The following DLC1 variants were observed in gnomAD, a reference collection of about 807,000 sequenced individuals.
DLC1 encodes rho GTPase-activating protein 7.
In DLC1, 54 loss-of-function variants were observed where a neutral mutation model predicts 140.3. The ratio of observed to expected loss-of-function variants is 0.38; its 90% CI spans 0.31 to 0.48. DLC1 has a LOEUF of 0.48. DLC1 is among the 20% of genes least tolerant of loss of function. The pLI, the probability that DLC1 is intolerant of heterozygous loss-of-function variation, is 0.96. For missense variants in DLC1, 2,536 were observed against 1,907.0 expected, an observed-to-expected ratio of 1.33 and a Z score of -6.14; for synonymous variants, 986 against 728.1, an observed-to-expected ratio of 1.35 and a Z score of -5.70.
intron 2 of DLC1, among the ~76,000 whole-genome samples, chr8:13,448,839 C>G (rs552212426): frequency 1.2e-5 from 1 of 85,976 alleles, no homozygotes; most frequent in Non-Finnish European, 3.5e-5. Context: ...GTGTTATACA[C>G]TAGCAGATTT....
intron 4 of DLC1, among the ~76,000 whole-genome samples, chr8:13,325,589 T>A (rs998843059): frequency 6.6e-6 from 1 of 152,110 alleles, no homozygotes; most frequent in African/African-American, 2.4e-5. Context: ...AAGCATGCTG[T>A]CCAAGAACAA....
At chr8:13,506,654 T>C (rs1802100636) in intron 1 of DLC1, among the ~76,000 whole-genome samples, 1 of 150,664 alleles carries the variant, frequency 6.6e-6, no homozygotes, top group African/African-American at 2.5e-5. Context: ...CAAATATATA[T>C]GTGTGCATAT....
intron 2 of DLC1, among the ~76,000 whole-genome samples, chr8:13,453,346 G>T (rs1268531124): frequency 7.5e-6 from 1 of 132,922 alleles, no homozygotes; most frequent in African/African-American, 2.8e-5. Flanking sequence ...TTAAAATAGA[G>T]AAATTCATTA....
At chr8:13,183,545 A>C (rs1190050350) in intron 5 of DLC1, among the ~76,000 whole-genome samples, 2 of 152,084 alleles carry the variant, frequency 1.3e-5, no homozygotes, top group Non-Finnish European at 2.9e-5. Context: ...AATTTTGTTG[A>C]AGGCCTTTTC....
intron 1 of DLC1, among the ~76,000 whole-genome samples, chr8:13,598,091 GAGA>G (rs57837965): frequency 0.068 from 10,351 of 152,156 alleles, 408 homozygotes; most frequent in East Asian, 0.16. Context: ...TCATCCAGCA[GAGA>G]AGTTTATTTT....
chr8:13,303,990 T>A (rs1170618610), intron 5 of DLC1, among the ~76,000 whole-genome samples: 2 of 151,928 alleles, frequency 1.3e-5, no homozygotes, highest in Non-Finnish European at 2.9e-5. Context: ...ACAACTCACA[T>A]CCTCATTTTC....
At chr8:13,122,317 A>C (rs1316481936) in intron 5 of DLC1, among the ~76,000 whole-genome samples, 13 of 152,118 alleles carry the variant, frequency 8.5e-5, no homozygotes, top group Admixed American at 8.5e-4. Context: ...AGGCTTTCCA[A>C]ACTCCTTGGA....
At chr8:13,309,593 C>T (rs1832588334) in intron 4 of DLC1, among the ~76,000 whole-genome samples, 1 of 152,132 alleles carries the variant, frequency 6.6e-6, no homozygotes, top group South Asian at 2.1e-4. Flanking sequence ...TGTGTGCATG[C>T]CTGTTTGTGT....
At chr8:13,565,089 A>G (rs1804380575) in intron 1 of DLC1, among the ~76,000 whole-genome samples, 1 of 152,202 alleles carries the variant, frequency 6.6e-6, no homozygotes, top group African/African-American at 2.4e-5. Context: ...AGTACTGTTG[A>G]GAAATTTTCT....
intron 2 of DLC1, among the ~76,000 whole-genome samples, chr8:13,406,901 G>A (rs767392821): frequency 6.6e-6 from 1 of 152,158 alleles, no homozygotes; most frequent in Non-Finnish European, 1.5e-5. Context: ...ACTGTGAGCT[G>A]AACTTGAGTC....
intron 5 of DLC1, among the ~76,000 whole-genome samples, chr8:13,297,694 C>G (rs188097094): frequency 6.6e-6 from 1 of 152,274 alleles, no homozygotes; most frequent in African/African-American, 2.4e-5. Flanking sequence ...AGAGCAGAGT[C>G]TTTCCAAAGA....
intron 10 of DLC1, among the ~76,000 whole-genome samples, chr8:13,096,260 T>A (rs1404249295): frequency 6.6e-6 from 1 of 152,126 alleles, no homozygotes; most frequent in Non-Finnish European, 1.5e-5. Flanking sequence ...TTCAGATTCT[T>A]GAGGGTTTGG....
chr8:13,272,504 C>T (rs1038437411), intron 5 of DLC1, among the ~76,000 whole-genome samples: 4 of 152,040 alleles, frequency 2.6e-5, no homozygotes, highest in Non-Finnish European at 4.4e-5. Flanking sequence ...TTATTTCTTT[C>T]AGCACAACTT....
chr8:13,484,789 C>T (rs937669246), intron 2 of DLC1, among the ~76,000 whole-genome samples: 20 of 151,808 alleles, frequency 1.3e-4, no homozygotes, highest in African/African-American at 4.6e-4. Flanking sequence ...GGCCATCTGT[C>T]ATATATACAG....
intron 1 of DLC1, among the ~76,000 whole-genome samples, chr8:13,540,315 T>A (rs1803439994): frequency 6.6e-6 from 1 of 152,234 alleles, no homozygotes; most frequent in Non-Finnish European, 1.5e-5. Flanking sequence ...TAAAATACTG[T>A]TATGTTTAAA....
At chr8:13,340,056 T>C (rs1833969153) in intron 4 of DLC1, 1 of 151,538 alleles carries the variant, frequency 6.6e-6, no homozygotes, top group African/African-American at 2.4e-5. Flanking sequence ...GCATTCTGAG[T>C]GGGGTGGGCT....
In DLC1 at chr8:13,411,553, A is replaced by G. The variant is rs182661227; in HGVS notation, c.1024-9934T>C. On this transcript the variant is annotated intron_variant, in intron 2 of 17. Transcript: ENST00000276297. ...ATGTAAACTATGAACTTTGAGTGAT[A>G]CTGACATGTCATTGTAGAGTCATTG... Among the ~76,000 whole-genome samples, 184 of 152,332 alleles carry G rather than the reference A, an allele frequency of 1.2e-3. 1 individual carries two copies. The highest frequency in any genetic ancestry group is 4.0e-3 in the African/African-American group (167 of 41,592).
At position 13,100,441 on chromosome 8, in the gene DLC1, G is replaced by A. The variant is rs762106146; in HGVS notation, c.1896C>T (p.Gly632=). ...ISVCSSSNLA[G]NDDSFGSLPS... ...GCAGGCTGCCGAAAGAGTCGTCATT[G>A]CCTGCCAAGTTGCTGGAGGAGCAAA... Residue 632 remains glycine, a synonymous_variant, in exon 9 of 18, where the codon GGC becomes GGT. Transcript: ENST00000276297. 7 of 1,613,988 alleles carry A rather than the reference G, an allele frequency of 4.3e-6. No homozygotes were observed. Among genetic ancestry groups the A allele is most frequent in the Admixed American group, 3.3e-5 (2 of 60,028 alleles).
chr8:13,321,950 A>C (rs1454951), intron 4 of DLC1, among the ~76,000 whole-genome samples: 131,233 of 152,034 alleles, frequency 0.86, 56,945 homozygotes, highest in Middle Eastern at 0.96. Context: ...GTATCTGGGT[A>C]AAAATTCCAT....
Sources: allele counts gnomAD v4.1 joint callset (sites outside exome capture counted in the v4.1 genomes callset), GRCh38; gene constraint gnomAD v4.1.1; transcripts MANE v1.5; gene names NCBI Gene and HGNC (gene_info 2026-07-23, HGNC 2026-07-21).